GRM7: variants seen among roughly 807,000 people sequenced by gnomAD.
GRM7 encodes glutamate metabotropic receptor 7, also known as metabotropic glutamate receptor 7.
In GRM7, 35 loss-of-function variants were observed where a neutral mutation model predicts 84.5. The ratio of observed to expected loss-of-function variants is 0.41; its 90% CI spans 0.32 to 0.55. The LOEUF is 0.55. Among genes scored for constraint, GRM7 ranks in the 20% least tolerant of loss-of-function variants. The pLI, the probability that GRM7 is intolerant of heterozygous loss-of-function variation, is 0.19. For synonymous variants in GRM7, 487 were observed against 455.1 expected, an observed-to-expected ratio of 1.07 and a Z score of -0.89; for missense variants, 1,003 against 1,194.6, an observed-to-expected ratio of 0.84 and a Z score of 2.36.
intron 2 of GRM7, among the ~76,000 whole-genome samples, chr3:7,171,080 C>G (rs1694968125): frequency 6.6e-6 from 1 of 152,122 alleles, no homozygotes; most frequent in African/African-American, 2.4e-5. Flanking sequence ...ACAAAGTGCT[C>G]TAGACTGCAA....
chr3:7,095,262 A>G (rs1257449635), intron 1 of GRM7, among the ~76,000 whole-genome samples: 10 of 152,204 alleles, frequency 6.6e-5, no homozygotes, highest in Admixed American at 4.6e-4. Flanking sequence ...AATGGAAGCA[A>G]TGAGTCTCCA....
chr3:6,998,312 C>T (rs1694897418), intron 1 of GRM7, among the ~76,000 whole-genome samples: 1 of 152,048 alleles, frequency 6.6e-6, no homozygotes, highest in African/African-American at 2.4e-5. Context: ...TTAACTTGGT[C>T]ATGCTGATGC....
At chr3:7,528,053 A>G (rs747834878) in intron 7 of GRM7, among the ~76,000 whole-genome samples, 2 of 151,974 alleles carry the variant, frequency 1.3e-5, no homozygotes, top group African/African-American at 2.4e-5. Context: ...ATAAGAGAGA[A>G]ATCCCTCCTC....
chr3:7,649,344 C>G (rs1358384080), intron 8 of GRM7, among the ~76,000 whole-genome samples: 1 of 152,068 alleles, frequency 6.6e-6, no homozygotes, highest in Non-Finnish European at 1.5e-5. Flanking sequence ...GCTGGGATTA[C>G]AGCAAAGTGC....
At chr3:7,631,490 A>G (rs963682397) in intron 8 of GRM7, among the ~76,000 whole-genome samples, 1 of 152,182 alleles carries the variant, frequency 6.6e-6, no homozygotes, top group African/African-American at 2.4e-5. Context: ...TCACTCATTC[A>G]TTCAGTAGAT....
At chr3:6,956,431 TTCTC>T in intron 1 of GRM7, 2 of 396,598 alleles carry the variant, frequency 5.0e-6, no homozygotes, top group South Asian at 3.9e-5. Context: ...TCTCAGACCT[TTCTC>T]TCTAAGACTT....
At chr3:6,924,374 T>A (rs1432998614) in intron 1 of GRM7, among the ~76,000 whole-genome samples, 1 of 152,164 alleles carries the variant, frequency 6.6e-6, no homozygotes, top group Non-Finnish European at 1.5e-5. Context: ...TGATGTATAA[T>A]TTCAGTAGTT....
intron 1 of GRM7, among the ~76,000 whole-genome samples, chr3:6,981,850 T>G (rs1694219212): frequency 6.6e-6 from 1 of 152,036 alleles, no homozygotes; most frequent in Non-Finnish European, 1.5e-5. Context: ...ACACTACTGG[T>G]GGGAATGTAA....
At chr3:7,338,880 A>G (rs917159988) in intron 4 of GRM7, among the ~76,000 whole-genome samples, 2 of 151,982 alleles carry the variant, frequency 1.3e-5, no homozygotes, top group Non-Finnish European at 2.9e-5. Context: ...GCCTTTTATC[A>G]TGTAAATTCT....
chr3:7,459,554 T>A (rs1698154819), intron 6 of GRM7, among the ~76,000 whole-genome samples: 1 of 151,990 alleles, frequency 6.6e-6, no homozygotes, highest in Non-Finnish European at 1.5e-5. Flanking sequence ...AGGCACGTCT[T>A]TACATGGTGG....
At chr3:6,883,605 A>T (rs949861966) in intron 1 of GRM7, among the ~76,000 whole-genome samples, 1 of 152,092 alleles carries the variant, frequency 6.6e-6, no homozygotes, top group African/African-American at 2.4e-5. Context: ...CATAAATCAC[A>T]CTCCATTGAA....
At chr3:7,650,696 CA>C (rs1398260932) in intron 8 of GRM7, among the ~76,000 whole-genome samples, 4 of 152,104 alleles carry the variant, frequency 2.6e-5, no homozygotes, top group African/African-American at 9.7e-5. Flanking sequence ...TGAGAAAATT[CA>C]AAGTCCATAA....
intron 2 of GRM7, among the ~76,000 whole-genome samples, chr3:7,189,526 A>T (rs1321032883): frequency 6.6e-6 from 1 of 152,166 alleles, no homozygotes; most frequent in Non-Finnish European, 1.5e-5. Flanking sequence ...TGCTGTTATC[A>T]CTATTACTGT....
intron 2 of GRM7, among the ~76,000 whole-genome samples, chr3:7,206,090 C>G (rs9840189): frequency 0.31 from 47,217 of 151,832 alleles, 7,716 homozygotes; most frequent in Non-Finnish European, 0.37. Flanking sequence ...TTGTGGTAAG[C>G]GGGGATGAAA....
At chr3:6,975,769 C>G (rs1221918118) in intron 1 of GRM7, among the ~76,000 whole-genome samples, 2 of 151,978 alleles carry the variant, frequency 1.3e-5, no homozygotes, top group Admixed American at 6.6e-5. Flanking sequence ...GGTTCACAAC[C>G]CACAAATAGG....
intron 4 of GRM7, among the ~76,000 whole-genome samples, chr3:7,382,024 AGTCACT>A (rs1277550811): frequency 6.6e-6 from 1 of 152,186 alleles, no homozygotes; most frequent in Non-Finnish European, 1.5e-5. Context: ...AAATGAGTTA[AGTCACT>A]ATCAAATGCT....
intron 2 of GRM7, chr3:7,298,459 T>C: frequency 4.4e-6 from 2 of 453,972 alleles, no homozygotes; most frequent in South Asian, 4.0e-5. Context: ...TAGATATTTG[T>C]ACGTGTACTA....
At chr3:7,378,439 G>C (rs17654277) in intron 4 of GRM7, among the ~76,000 whole-genome samples, 1,632 of 152,232 alleles carry the variant, frequency 0.011, 12 homozygotes, top group Non-Finnish European at 0.014. Context: ...GCTAAACTGG[G>C]TCAGATTTTC....
At chr3:6,956,574 C>A (rs1472207070) in intron 1 of GRM7, 1 of 456,682 alleles carries the variant, frequency 2.2e-6, no homozygotes. Flanking sequence ...TAGGGAGATG[C>A]CCTTCTATCC....
Sources: allele counts gnomAD v4.1 joint callset (sites outside exome capture counted in the v4.1 genomes callset), GRCh38; gene constraint gnomAD v4.1.1; transcripts MANE v1.5; gene names NCBI Gene and HGNC (gene_info 2026-07-23, HGNC 2026-07-21).